NRXN2: variants seen among roughly 807,000 people sequenced by gnomAD.
NRXN2 encodes the protein neurexin-2-beta.
A neutral mutation model predicts 128.8 loss-of-function variants in NRXN2; 29 were observed. That is an observed-to-expected ratio of 0.23 (90% CI 0.17 to 0.31). NRXN2 has a LOEUF of 0.31. NRXN2 is among the 10% of genes least tolerant of loss of function. The pLI is 1.00. For missense variants in NRXN2, 1,881 were observed against 2,452.6 expected (o/e 0.77, Z 4.92); for synonymous variants, 1,098 against 1,075.2 (o/e 1.02, Z -0.41).
intron 5 of NRXN2, chr11:64,688,258 G>A: frequency 1.0e-6 from 1 of 983,860 alleles, no homozygotes; most frequent in Non-Finnish European, 1.2e-6. Context: ...AGCTACTCTG[G>A]AGCCTGCGCC....
Position 64,626,381 on chromosome 11 carries a change from G to A in NRXN2, c.3847+82C>T, listed in dbSNP as rs569519170. The A allele has an allele frequency of 1.4e-4, 166 of 1,159,034 alleles. 1 individual carries two copies. The South Asian group carries it at 1.8e-3, about 12-fold the overall frequency. 71.8% of individuals were successfully genotyped at this position (1,159,034 alleles called of 1,614,324 possible). On this transcript the variant is annotated intron_variant, in intron 20 of 22. Transcript: ENST00000265459. The stretch of plus-strand genomic sequence containing the variant: ...TGGGGGTGGGCATTGGTGAAGGCAC[G>A]GAGGGGGAAAGAGAGAGCTCTGCAC...
chr11:64,688,536 A>G (rs1179488591), intron 5 of NRXN2: 1 of 985,278 alleles, frequency 1.0e-6, no homozygotes, highest in Non-Finnish European at 1.2e-6. Context: ...GCAGAGCACA[A>G]ACAAGATCTG....
At chr11:64,642,452 G>A (rs1047166145) in intron 17 of NRXN2, 1 of 1,486,856 alleles carries the variant, frequency 6.7e-7, no homozygotes, top group African/African-American at 1.4e-5. Flanking sequence ...CAGCTGGGGT[G>A]GGGCCCGCGG....
chr11:64,651,507 C>G lies in NRXN2; in HGVS notation c.2666G>C (p.Gly889Ala). The change falls in exon 14 of 23, where the codon GGC (glycine) becomes GCC (alanine). Residue 889 changes from glycine (G) to alanine (A), a missense_variant. Gly to Ala is a moderately conservative substitution (Grantham distance 60). Transcript: ENST00000265459. The surrounding 1 kb of genome is among the most constrained non-coding windows in gnomAD (Gnocchi z 5.9). ...CTTGCACTGGTCCATGTAGGGCTGGCCATTGAACACGAGCCCACTCAGATG... is the reference window on the plus strand; with the variant it reads ...CTTGCACTGGTCCATGTAGGGCTGGGCATTGAACACGAGCCCACTCAGATG... ...IGHLSGLVFN[G>A]QPYMDQCKDG... The G allele has an allele frequency of 6.2e-7, 1 of 1,614,134 alleles. No individual in the cohort carries two copies. The highest frequency in any genetic ancestry group is 8.5e-7 in the Non-Finnish European group (1 of 1,180,004).
chr11:64,636,172 A>G (rs2044685128), intron 17 of NRXN2, among the ~76,000 whole-genome samples: 1 of 151,764 alleles, frequency 6.6e-6, no homozygotes, highest in Non-Finnish European at 1.5e-5. Flanking sequence ...AGACAGATGG[A>G]CAGAGAAGGA....
chr11:64,670,626 G>A (rs2050508255), intron 7 of NRXN2, among the ~76,000 whole-genome samples: 1 of 152,154 alleles, frequency 6.6e-6, no homozygotes, highest in African/African-American at 2.4e-5. Context: ...CAGCTCCTGA[G>A]GGGCAGGCAC....
rs760298047 is a variant in NRXN2 at position 64,661,218 on chromosome 11, C to T, written c.1799-79G>A. ...TCCTGACTCTGCCAAGAAGGCCCCC[C>T]ACCTTGTGTGGGCCCCTCCACCTTG... On this transcript the variant is annotated intron_variant, in intron 9 of 22. Coordinates refer to ENST00000265459, the MANE Select transcript of NRXN2 (RefSeq NM_015080.4). The T allele has an allele frequency of 9.4e-6, 15 of 1,597,716 alleles. No homozygotes were observed. In the South Asian group the frequency reaches 1.3e-4, roughly 14 times the overall value.
chr11:64,664,442 C>T (rs537883353), intron 9 of NRXN2, among the ~76,000 whole-genome samples: 4 of 148,464 alleles, frequency 2.7e-5, no homozygotes, highest in African/African-American at 7.5e-5. Flanking sequence ...TGCGCCACTG[C>T]GCTCCAGCCT....
In NRXN2 at chr11:64,685,825, C is replaced by T. The variant is rs1411450303; in HGVS notation, c.973G>A (p.Gly325Ser). ...TLAFRTLQRNGLMLHTGKSAD... is the reference protein window; with the variant it reads ...TLAFRTLQRNSLMLHTGKSAD... ...GACTTGCCTGTATGCAGCATCAGGC[C>T]GTTGCGTTGCAGGGTGCGGAAGGCC... Residue 325 changes from glycine to serine, a missense_variant, in exon 6 of 23, where the codon GGC becomes AGC. Physicochemically the swap from Gly to Ser is moderately conservative, Grantham distance 56 (BLOSUM62 0). This residue lies in a region of NRXN2 where 997 missense variants were observed against 1,240.8 expected (regional missense o/e 0.80). Transcript: ENST00000265459. The T allele has an allele frequency of 3.7e-6, 6 of 1,614,216 alleles. No homozygotes were observed. Among genetic ancestry groups the T allele is most frequent in the Non-Finnish European group, 4.2e-6 (5 of 1,180,038 alleles).
At position 64,614,852 on chromosome 11, in the gene NRXN2, C is replaced by T. The variant is rs145405699; in HGVS notation, c.4252+5442G>A. ...AGAGGAGCCAGGTCTTGACTGGATGCGGTGGGCCACCATCTCCCAGACATC... is the reference window on the plus strand; with the variant it reads ...AGAGGAGCCAGGTCTTGACTGGATGTGGTGGGCCACCATCTCCCAGACATC... On this transcript the variant is annotated intron_variant, in intron 22 of 22. Transcript: ENST00000265459. Among the ~76,000 whole-genome samples, 1,194 of 152,316 alleles carry T rather than the reference C, an allele frequency of 7.8e-3. 13 individuals are homozygous for T. The highest frequency in any genetic ancestry group is 0.011 in the Non-Finnish European group (718 of 68,022).
chr11:64,643,081 G>A, intron 17 of NRXN2: 2 of 989,704 alleles, frequency 2.0e-6, no homozygotes, highest in Non-Finnish European at 2.4e-6. Context: ...GGTCGGAGCG[G>A]CGCAGAGGGC....
At chr11:64,621,961 G>C (rs1313197288) in intron 21 of NRXN2, among the ~76,000 whole-genome samples, 1 of 152,142 alleles carries the variant, frequency 6.6e-6, no homozygotes, top group East Asian at 1.9e-4. Flanking sequence ...CACCTGAGCA[G>C]GTGGGGTGGG....
At chr11:64,629,737 T>C (rs141688174) in intron 19 of NRXN2, among the ~76,000 whole-genome samples, 148 of 152,282 alleles carry the variant, frequency 9.7e-4, no homozygotes, top group Non-Finnish European at 1.8e-3. Flanking sequence ...TCTAAGTAGG[T>C]TGTCAACAAA....
intron 2 of NRXN2, among the ~76,000 whole-genome samples, chr11:64,701,886 C>G (rs535995584): frequency 7.9e-6 from 1 of 126,142 alleles, no homozygotes; most frequent in East Asian, 2.7e-4. Flanking sequence ...GCCAGCCGCT[C>G]TGTCCGGGAG....
chr11:64,656,560 G>A (rs758018433), intron 11 of NRXN2, among the ~76,000 whole-genome samples: 14 of 152,096 alleles, frequency 9.2e-5, no homozygotes, highest in Non-Finnish European at 2.1e-4. Context: ...TGCTGAAGGA[G>A]GTAACCCCCT....
rs369377520 is a variant in NRXN2, at chr11:64,607,814, G to C, written c.4521C>G (p.Pro1507=). 115 of 1,600,770 alleles carry C rather than the reference G, an allele frequency of 7.2e-5. No individual in the cohort carries two copies. Among genetic ancestry groups the C allele is most frequent in the African/African-American group, 1.6e-4 (12 of 74,666 alleles). ...SGEVFDSSLP[P]TDDEDFYTTF... ...TGGTGTAAAAGTCCTCGTCGTCCGTGGGGGGGAGGCTGGAGTCAAAGACCT... is the reference window on the plus strand; with the variant it reads ...TGGTGTAAAAGTCCTCGTCGTCCGTCGGGGGGAGGCTGGAGTCAAAGACCT... The change falls in exon 23 of 23, where the codon CCC becomes CCG. Residue 1507 remains proline, a synonymous_variant. Transcript: ENST00000265459.
intron 6 of NRXN2, among the ~76,000 whole-genome samples, chr11:64,677,582 C>G (rs1461808948): frequency 6.6e-6 from 1 of 152,214 alleles, no homozygotes; most frequent in Non-Finnish European, 1.5e-5. Context: ...GTAACACACA[C>G]AGAGTCGGCA....
chr11:64,617,785 A>G (rs1294707477), intron 22 of NRXN2, among the ~76,000 whole-genome samples: 1 of 152,088 alleles, frequency 6.6e-6, no homozygotes, highest in African/African-American at 2.4e-5. Context: ...GAGACCCTGG[A>G]GTCATTTTGG....
chr11:64,713,286 G>A lies in NRXN2; in HGVS notation c.414C>T (p.Arg138=). The change falls in exon 2 of 23, where the codon CGC becomes CGT. Residue 138 remains arginine, a synonymous_variant. Transcript: ENST00000265459. ...VDGEARAAEV[R]SKRREMQVAS... is the part of the protein sequence containing the mutation. ...CCACCTGCATCTCGCGCCGCTTGGA[G>A]CGCACCTCGGCGGCGCGGGCCTCGC... The A allele has an allele frequency of 7.2e-7, 1 of 1,381,610 alleles. No individual in the cohort carries two copies. Among genetic ancestry groups the A allele is most frequent in the Non-Finnish European group, 9.3e-7 (1 of 1,071,468 alleles). 85.6% of individuals were successfully genotyped at this position (1,381,610 alleles called of 1,614,324 possible). A position where few individuals can be genotyped will look rare whatever the true frequency, so the allele number is the denominator to read the frequency against.
Sources: allele counts gnomAD v4.1 joint callset (sites outside exome capture counted in the v4.1 genomes callset), GRCh38; gene constraint gnomAD v4.1.1; regional missense constraint gnomAD v4.1.1; non-coding constraint Gnocchi (gnomAD v3.1); transcripts MANE v1.5; gene names NCBI Gene and HGNC (gene_info 2026-07-23, HGNC 2026-07-21).